The following CSMD1 variants were observed in gnomAD, a reference collection of about 807,000 sequenced individuals.
The protein encoded by CSMD1 is CUB and Sushi multiple domains 1, also known as CUB and sushi domain-containing protein 1.
CSMD1 carries 213 observed loss-of-function variants against 417.5 expected under a neutral mutation model. The ratio of observed to expected loss-of-function variants is 0.51; its 90% CI spans 0.46 to 0.57. The LOEUF (loss-of-function observed/expected upper bound fraction) is 0.57, where lower values mean the gene tolerates loss of function less well. CSMD1 is among the 20% of genes least tolerant of loss of function. The pLI is 0.00. For missense variants in CSMD1, 6,923 were observed against 4,529.7 expected (o/e 1.53, Z -15.17); for synonymous variants, 2,862 against 1,736.8 (o/e 1.65, Z -16.11).
chr8:4,556,490 T>C (rs1022434282), intron 2 of CSMD1, among the ~76,000 whole-genome samples: 1 of 152,102 alleles, frequency 6.6e-6, no homozygotes, highest in Non-Finnish European at 1.5e-5. Context: ...GAGGAAAGTC[T>C]CGAGCAGCAC....
At chr8:4,887,600 CT>C (rs1159460224) in intron 1 of CSMD1, among the ~76,000 whole-genome samples, 7 of 151,810 alleles carry the variant, frequency 4.6e-5, no homozygotes, top group African/African-American at 1.7e-4. Flanking sequence ...TCTATTTCTG[CT>C]TTTTAATTCT....
At chr8:4,807,874 G>A (rs1339064652) in intron 1 of CSMD1, among the ~76,000 whole-genome samples, 2 of 152,082 alleles carry the variant, frequency 1.3e-5, no homozygotes, top group Non-Finnish European at 2.9e-5. Context: ...AAGAGGAGGA[G>A]TATATTCTCA....
At chr8:4,872,204 C>T (rs186664519) in intron 1 of CSMD1, among the ~76,000 whole-genome samples, 8 of 152,208 alleles carry the variant, frequency 5.3e-5, no homozygotes, top group Admixed American at 5.2e-4. Flanking sequence ...TCAAGTAAGG[C>T]ATAGAGGCCT....
chr8:4,474,057 T>C (rs765391276), intron 2 of CSMD1, among the ~76,000 whole-genome samples: 2 of 152,022 alleles, frequency 1.3e-5, no homozygotes, highest in Non-Finnish European at 2.9e-5. Flanking sequence ...AAAGCAAATA[T>C]ATGCAAACGT....
chr8:4,788,360 T>C (rs1036357838), intron 1 of CSMD1: 11 of 1,482,982 alleles, frequency 7.4e-6, no homozygotes, highest in African/African-American at 1.4e-5. Flanking sequence ...TTATCACCTG[T>C]CCTCCCCTCA....
intron 10 of CSMD1, among the ~76,000 whole-genome samples, chr8:3,542,140 C>T (rs905333372): frequency 1.3e-5 from 2 of 152,104 alleles, no homozygotes; most frequent in African/African-American, 2.4e-5. Context: ...TATGGAAATC[C>T]CTTTAAAGTT....
At chr8:4,985,016 G>C (rs1811098078) in intron 1 of CSMD1, among the ~76,000 whole-genome samples, 1 of 152,194 alleles carries the variant, frequency 6.6e-6, no homozygotes, top group Admixed American at 6.5e-5. Flanking sequence ...TGTAGCCATG[G>C]AATACCATGC....
chr8:4,397,147 C>T (rs1804292831), intron 3 of CSMD1, among the ~76,000 whole-genome samples: 1 of 152,098 alleles, frequency 6.6e-6, no homozygotes, highest in East Asian at 1.9e-4. Flanking sequence ...CGAGCAATCA[C>T]TCTCATTTCT....
Position 3,996,001 on chromosome 8 carries a change from G to T in CSMD1, c.818+1902C>A, listed in dbSNP as rs568241040. Reference sequence around the variant, plus strand: ...GGTAGTCTCTCTGGCTATCTGTGCTGATACTCTCTATGACAAGGATGATCA... The same window carrying T: ...GGTAGTCTCTCTGGCTATCTGTGCTTATACTCTCTATGACAAGGATGATCA... On this transcript the variant is annotated intron_variant, in intron 5 of 69. Coordinates refer to ENST00000635120, the MANE Select transcript of CSMD1 (RefSeq NM_033225.6). 1.7e-3 allele frequency among the ~76,000 whole-genome samples: 259 copies of T among 152,320 alleles called. 1 individual carries two copies. Among genetic ancestry groups the T allele is most frequent in the Non-Finnish European group, 3.2e-3 (219 of 68,040 alleles).
At chr8:3,858,663 T>C (rs940075928) in intron 5 of CSMD1, among the ~76,000 whole-genome samples, 4 of 133,416 alleles carry the variant, frequency 3.0e-5, no homozygotes, top group Non-Finnish European at 4.6e-5. Context: ...TGTTATAATC[T>C]TCAGGAGAAC....
intron 12 of CSMD1, among the ~76,000 whole-genome samples, chr8:3,413,655 A>C (rs1369122782): frequency 6.6e-6 from 1 of 152,152 alleles, no homozygotes; most frequent in Non-Finnish European, 1.5e-5. Flanking sequence ...TTGACTTCTT[A>C]CACACTGAGT....
chr8:4,160,986 T>C (rs1177119260), intron 3 of CSMD1, among the ~76,000 whole-genome samples: 2 of 152,206 alleles, frequency 1.3e-5, no homozygotes, highest in Non-Finnish European at 2.9e-5. Flanking sequence ...TTAATTATTC[T>C]TTGGTGATCA....
chr8:3,429,969 T>C (rs1301631599), intron 12 of CSMD1, among the ~76,000 whole-genome samples: 1 of 152,026 alleles, frequency 6.6e-6, no homozygotes, highest in African/African-American at 2.4e-5. Context: ...TCGATATCTG[T>C]ATGTATGTAT....
rs73658881 is a variant in CSMD1 at position 4,423,116 on chromosome 8, C to T, written c.303-3051G>A. Among the ~76,000 whole-genome samples the T allele has an allele frequency of 2.8e-3, 432 of 152,166 alleles. 6 individuals carry two copies. Among genetic ancestry groups the T allele is most frequent in the African/African-American group, 9.9e-3 (410 of 41,560 alleles). On this transcript the variant is annotated intron_variant, in intron 2 of 69. Transcript: ENST00000635120. Reference sequence around the variant, plus strand: ...TTGCTTAGTGGTTGAAGACTGAATGCTTCTGCCTAAGACTGGAAACAAGTC... The same window carrying T: ...TTGCTTAGTGGTTGAAGACTGAATGTTTCTGCCTAAGACTGGAAACAAGTC...
At chr8:4,309,949 G>A (rs1055285574) in intron 3 of CSMD1, among the ~76,000 whole-genome samples, 1 of 152,134 alleles carries the variant, frequency 6.6e-6, no homozygotes, top group African/African-American at 2.4e-5. Context: ...GTCGATTATA[G>A]TTACCCCTAT....
chr8:4,393,293 T>C (rs539027167), intron 3 of CSMD1, among the ~76,000 whole-genome samples: 1 of 152,212 alleles, frequency 6.6e-6, no homozygotes, highest in East Asian at 1.9e-4. Flanking sequence ...CAGTTTTTAA[T>C]TAGGTGCTTT....
At chr8:3,745,619 T>C (rs1366007733) in intron 6 of CSMD1, among the ~76,000 whole-genome samples, 3 of 152,206 alleles carry the variant, frequency 2.0e-5, no homozygotes, top group African/African-American at 7.2e-5. Context: ...TTCTGAGCAC[T>C]CCACTGAGAC....
At chr8:4,422,316 G>A (rs951039049) in intron 2 of CSMD1, among the ~76,000 whole-genome samples, 1 of 151,890 alleles carries the variant, frequency 6.6e-6, no homozygotes, top group Non-Finnish European at 1.5e-5. Flanking sequence ...TTCCCTTATG[G>A]GCTGAATTAT....
chr8:4,587,884 TC>T (rs1262808923), intron 2 of CSMD1, among the ~76,000 whole-genome samples: 2 of 152,336 alleles, frequency 1.3e-5, no homozygotes, highest in African/African-American at 4.8e-5. Flanking sequence ...AAAACTGTTG[TC>T]CCTTTAAAAA....
Sources: allele counts gnomAD v4.1 joint callset (sites outside exome capture counted in the v4.1 genomes callset), GRCh38; gene constraint gnomAD v4.1.1; transcripts MANE v1.5; gene names NCBI Gene and HGNC (gene_info 2026-07-23, HGNC 2026-07-21).